ACACB: variants seen among roughly 807,000 people sequenced by gnomAD.
ACACB encodes acetyl-CoA carboxylase beta.
A neutral mutation model predicts 278.8 loss-of-function variants in ACACB; 209 were observed. That is an observed-to-expected ratio of 0.75 (90% confidence interval 0.67 to 0.84). The LOEUF is 0.84. Ranked by LOEUF, ACACB falls within the 40% of genes least tolerant of loss-of-function variation. The pLI, the probability that ACACB is intolerant of heterozygous loss-of-function variation, is 0.00. For synonymous variants in ACACB, 1,174 were observed against 1,285.6 expected (o/e 0.91, Z 1.86); for missense variants, 2,850 against 3,269.0 (o/e 0.87, Z 3.13).
chr12:109,230,463 C>T (rs1479295097), intron 28 of ACACB, among the ~76,000 whole-genome samples: 2 of 150,762 alleles, frequency 1.3e-5, no homozygotes, highest in African/African-American at 4.8e-5. Context: ...AGTTCTGTCA[C>T]CCAGGCTAGA....
chr12:109,252,170 G>A lies in ACACB; in HGVS notation c.5901+14G>A. 1 of 1,585,138 alleles carries A rather than the reference G, an allele frequency of 6.3e-7. No individual in the cohort carries two copies. Among genetic ancestry groups the A allele is most frequent in the Non-Finnish European group, 8.6e-7 (1 of 1,159,992 alleles). ...GCTCTCAACAAGGTGACCAAAAAGG[G>A]GCCTGTGCAGAGTGGATCCTTGGGG... is the stretch of plus-strand genomic sequence containing the variant. On this transcript the variant is annotated intron_variant, in intron 42 of 52. Coordinates refer to ENST00000338432, the MANE Select transcript of ACACB (RefSeq NM_001093.4).
At chr12:109,265,621 C>T (rs1336457527) in intron 52 of ACACB, 96 bp downstream of exon 52, 17 of 1,459,786 alleles carry the variant, frequency 1.2e-5, no homozygotes, top group African/African-American at 9.8e-5. Context: ...CACTTGAACC[C>T]GCCACCCTGT....
chr12:109,174,722 T>C (rs2044229114), intron 7 of ACACB, among the ~76,000 whole-genome samples: 1 of 151,114 alleles, frequency 6.6e-6, no homozygotes, highest in African/African-American at 2.4e-5. Flanking sequence ...AAAAAAAAAT[T>C]AACTGGTTAT....
intron 1 of ACACB, among the ~76,000 whole-genome samples, chr12:109,127,014 TA>T (rs2042697002): frequency 6.6e-6 from 1 of 152,366 alleles, no homozygotes; most frequent in East Asian, 1.9e-4. Context: ...TTGCTTACTC[TA>T]GCAGTACTGG....
intron 4 of ACACB, among the ~76,000 whole-genome samples, chr12:109,171,506 C>T (rs151234123): frequency 2.7e-4 from 41 of 152,252 alleles, no homozygotes; most frequent in African/African-American, 9.6e-4. Context: ...CCCACCACCA[C>T]GCCTGGCTAA....
intron 3 of ACACB, 114 bp downstream of exon 3, chr12:109,167,107 G>A: frequency 7.2e-7 from 1 of 1,390,328 alleles, no homozygotes; most frequent in Non-Finnish European, 1.0e-6. Context: ...TGCAGAGAGG[G>A]GGTGAGGGCC....
intron 4 of ACACB, among the ~76,000 whole-genome samples, chr12:109,171,593 G>A (rs1343259531): frequency 6.7e-6 from 1 of 150,106 alleles, no homozygotes; most frequent in Non-Finnish European, 1.5e-5. Flanking sequence ...CAGGCCATCT[G>A]CCTGCCTCGG....
intron 24 of ACACB, among the ~76,000 whole-genome samples, chr12:109,220,118 A>G (rs1004928117): frequency 1.3e-4 from 20 of 152,186 alleles, no homozygotes; most frequent in African/African-American, 4.8e-4. Context: ...AATATCATGT[A>G]CACCAGAGGA....
At chr12:109,175,716 G>A (rs547051632) in intron 7 of ACACB, among the ~76,000 whole-genome samples, 1 of 152,300 alleles carries the variant, frequency 6.6e-6, no homozygotes, top group South Asian at 2.1e-4. Context: ...ACCACGCCTG[G>A]CAGTTAGTTT....
At chr12:109,249,394 C>G (rs942586315) in intron 40 of ACACB, 2 of 152,234 alleles carry the variant, frequency 1.3e-5, no homozygotes, top group African/African-American at 4.8e-5. Flanking sequence ...AAAGGAAAGG[C>G]AGCTTGCACA....
intron 47 of ACACB, chr12:109,260,127 A>G (rs1371015859): frequency 2.2e-6 from 3 of 1,381,574 alleles, no homozygotes; most frequent in Admixed American, 1.9e-5. Context: ...GCCCATGCAC[A>G]TTGGGGAAGG....
At chr12:109,166,665 A>AAAAAAAC (rs2043910521) in intron 2 of ACACB, among the ~76,000 whole-genome samples, 196 bp from the exon 3 acceptor site, 4 of 144,010 alleles carry the variant, frequency 2.8e-5, no homozygotes, top group Non-Finnish European at 6.1e-5. Context: ...AAAAAAAAAA[A>AAAAAAAC]AAAAAAAAAA....
intron 50 of ACACB, 93 bp downstream of exon 50, chr12:109,264,479 G>C (rs1450097785): frequency 7.3e-6 from 11 of 1,505,840 alleles, no homozygotes; most frequent in Non-Finnish European, 8.2e-6. Context: ...GGAGGGCGGT[G>C]GTGGTTGGGA....
chr12:109,235,586 G>A lies in ACACB; in HGVS notation c.4405-20G>A, dbSNP rs563066933. 122 of 1,609,560 alleles carry A rather than the reference G, an allele frequency of 7.6e-5. No individual in the cohort carries two copies. In the South Asian group the frequency reaches 1.3e-3, roughly 17 times the overall value. On this transcript the variant is annotated intron_variant, in intron 32 of 52. Transcript: ENST00000338432. ...GTCTTGCTTGATTTAATTGTCTTGT[G>A]TGTGGATTTCTTTTTGCAGAAAGAA...
intron 1 of ACACB, among the ~76,000 whole-genome samples, chr12:109,133,863 ATT>A (rs67896522): frequency 1.3e-3 from 92 of 70,480 alleles, no homozygotes; most frequent in African/African-American, 6.4e-3. Context: ...ATATATATAT[ATT>A]TTTTTTTTTT....
intron 29 of ACACB, among the ~76,000 whole-genome samples, chr12:109,233,251 G>A (rs962930058): frequency 1.3e-5 from 2 of 152,216 alleles, no homozygotes; most frequent in Non-Finnish European, 2.9e-5. Flanking sequence ...TTAGTATGCA[G>A]ATAATATAGT....
At chr12:109,175,238 C>G (rs536471785) in intron 7 of ACACB, among the ~76,000 whole-genome samples, 40 of 152,072 alleles carry the variant, frequency 2.6e-4, no homozygotes, top group East Asian at 2.3e-3. Context: ...TTTTCCCCCC[C>G]CAAAAGTTGA....
rs768814873 is a variant in ACACB, at chr12:109,250,039, A to AG, written c.5729dup (p.Ser1911LeufsTer19). ...TGATGGCTTGGGCGTGGAGAATCTGAGGGGCTCAGGCATGATTGCTGGGGA... is the reference window on the plus strand; with the variant it reads ...TGATGGCTTGGGCGTGGAGAATCTGAGGGGGCTCAGGCATGATTGCTGGGGA... On this transcript the variant is annotated frameshift_variant, in exon 41 of 53. Transcript: ENST00000338432. LOFTEE classifies it high-confidence loss of function. The AG allele has an allele frequency of 5.9e-5, 96 of 1,613,556 alleles. No individual in the cohort carries two copies. The highest frequency in any genetic ancestry group is 7.4e-5 in the Non-Finnish European group (87 of 1,179,844).
intron 2 of ACACB, among the ~76,000 whole-genome samples, chr12:109,155,270 G>A (rs2043500471): frequency 1.3e-5 from 2 of 152,194 alleles, no homozygotes; most frequent in Admixed American, 6.5e-5. Context: ...AGAAGCTGAT[G>A]GTTGTGGAAG....
Sources: allele counts gnomAD v4.1 joint callset (sites outside exome capture counted in the v4.1 genomes callset), GRCh38; gene constraint gnomAD v4.1.1; transcripts MANE v1.5; gene names NCBI Gene and HGNC (gene_info 2026-07-23, HGNC 2026-07-21).